IQANK1: variants seen among roughly 807,000 people sequenced by gnomAD.
IQANK1 encodes IQ motif and ankyrin repeat domain-containing protein 1.
Under a neutral mutation model 22.6 loss-of-function variants are expected in IQANK1, and 30 were observed. The observed-to-expected ratio is 1.33, with a 90% CI of 0.99 to 1.80. The LOEUF (loss-of-function observed/expected upper bound fraction) is 1.80, where lower values mean the gene tolerates loss of function less well. Ranked by LOEUF, IQANK1 falls within the 40% of genes most tolerant of loss-of-function variation. The pLI, the probability that IQANK1 is intolerant of heterozygous loss-of-function variation, is 0.00. For synonymous variants in IQANK1, 122 were observed against 99.6 expected (o/e 1.23, Z -1.34); for missense variants, 275 against 235.2 (o/e 1.17, Z -1.11).
intron 7 of IQANK1, among the ~76,000 whole-genome samples, chr8:143,787,611 C>T (rs1819916321): frequency 6.6e-6 from 1 of 152,208 alleles, no homozygotes; most frequent in Non-Finnish European, 1.5e-5. Context: ...TCCCTGTTTG[C>T]ACTTGTCTGT....
chr8:143,780,778 A>G (rs574036616), intron 7 of IQANK1, among the ~76,000 whole-genome samples: 3 of 152,212 alleles, frequency 2.0e-5, no homozygotes, highest in Non-Finnish European at 4.4e-5. Flanking sequence ...ATAGTGCTGC[A>G]GTCAACATAT....
At chr8:143,786,364 TGAG>T (rs780673823) in intron 7 of IQANK1, among the ~76,000 whole-genome samples, 23 of 152,328 alleles carry the variant, frequency 1.5e-4, no homozygotes, top group Non-Finnish European at 2.9e-4. Flanking sequence ...GACCCCAAAG[TGAG>T]GATCAAATTT....
intron 3 of IQANK1, among the ~76,000 whole-genome samples, chr8:143,749,084 G>A (rs1259242709): frequency 8.4e-6 from 1 of 119,680 alleles, no homozygotes; most frequent in African/African-American, 3.4e-5. Flanking sequence ...TGATATAAAT[G>A]TATATAAATA....
At chr8:143,788,740 A>G (rs1307880264) in intron 7 of IQANK1, among the ~76,000 whole-genome samples, 175 bp from the exon 8 acceptor site, 1 of 152,126 alleles carries the variant, frequency 6.6e-6, no homozygotes, top group African/African-American at 2.4e-5. Context: ...GGCTTTGGGG[A>G]CAGCAGCCCC....
chr8:143,761,808 G>GTT (rs11418981), intron 3 of IQANK1, among the ~76,000 whole-genome samples: 5,203 of 146,128 alleles, frequency 0.036, 113 homozygotes, highest in African/African-American at 0.068. Context: ...AAATTTCAGT[G>GTT]TTTTTTTTTT....
intron 7 of IQANK1, among the ~76,000 whole-genome samples, chr8:143,785,332 C>G (rs1432069145): frequency 6.9e-6 from 1 of 144,906 alleles, no homozygotes; most frequent in East Asian, 2.1e-4. Context: ...TCTCAGCTCA[C>G]TGCAACCTCT....
At chr8:143,788,837 G>A in intron 7 of IQANK1, 78 bp from the exon 8 acceptor site, 1 of 398,634 alleles carries the variant, frequency 2.5e-6, no homozygotes, top group Non-Finnish European at 4.4e-6. Flanking sequence ...CTCCCAGATG[G>A]GAGAGCAACA....
At chr8:143,786,467 CAGA>C (rs1189938619) in intron 7 of IQANK1, among the ~76,000 whole-genome samples, 1 of 152,168 alleles carries the variant, frequency 6.6e-6, no homozygotes, top group East Asian at 1.9e-4. Flanking sequence ...GATAAATGTG[CAGA>C]AGAATGTGCA....
chr8:143,760,130 G>A (rs781802670), intron 3 of IQANK1, among the ~76,000 whole-genome samples: 17 of 152,244 alleles, frequency 1.1e-4, no homozygotes, highest in East Asian at 5.8e-4. Context: ...GCAGGATGTC[G>A]CCCTTGTCTG....
intron 2 of IQANK1, among the ~76,000 whole-genome samples, chr8:143,737,866 C>T (rs1318587148): frequency 6.6e-6 from 1 of 152,260 alleles, no homozygotes; most frequent in Non-Finnish European, 1.5e-5. Flanking sequence ...GCAGCTGCTC[C>T]TGGGCCAGGC....
chr8:143,787,961 C>T (rs1247355666), intron 7 of IQANK1, among the ~76,000 whole-genome samples: 4 of 152,208 alleles, frequency 2.6e-5, no homozygotes, highest in African/African-American at 9.7e-5. Context: ...GCCACCTGCT[C>T]TTCTTCTCCC....
intron 2 of IQANK1, among the ~76,000 whole-genome samples, chr8:143,738,896 C>T (rs191646102): frequency 3.9e-5 from 6 of 152,346 alleles, no homozygotes; most frequent in South Asian, 2.1e-4. Flanking sequence ...GCAGCTAGCA[C>T]GCCCACAGGA....
rs868968493 is a variant in IQANK1 at position 143,751,668 on chromosome 8, A to G, written c.175+11720A>G. 3.9e-3 allele frequency among the ~76,000 whole-genome samples: 524 copies of G among 133,834 alleles called. 10 individuals carry two copies. Among genetic ancestry groups the G allele is most frequent in the African/African-American group, 0.014 (500 of 36,860 alleles). 87.8% of individuals were successfully genotyped at this position (133,834 alleles called of 152,430 possible). Reference sequence around the variant, plus strand: ...TGTGTGTGTGTGTGTGTGTGTGTATATATATATATAAAATCCTATACAAAA... The same window carrying G: ...TGTGTGTGTGTGTGTGTGTGTGTATGTATATATATAAAATCCTATACAAAA... On this transcript the variant is annotated intron_variant, in intron 3 of 13. Transcript: ENST00000527139.
In IQANK1 at chr8:143,736,801, A is replaced by G. The variant is rs879983023; in HGVS notation, c.85+863A>G. ...TTCCCCCAGTACCCTCCCCCACCCCAGCCCCGCCTTCACTGTTGTCACTCC... is the reference window on the plus strand; with the variant it reads ...TTCCCCCAGTACCCTCCCCCACCCCGGCCCCGCCTTCACTGTTGTCACTCC... On this transcript the variant is annotated intron_variant, in intron 2 of 13. Transcript: ENST00000527139. 2.5e-5 allele frequency among the ~76,000 whole-genome samples: 3 copies of G among 119,972 alleles called. No individual in the cohort carries two copies. In the South Asian group the frequency reaches 8.6e-4, roughly 34 times the overall value. 78.7% of individuals were successfully genotyped at this position (119,972 alleles called of 152,430 possible).
At chr8:143,775,627 T>C (rs563750743) in intron 7 of IQANK1, among the ~76,000 whole-genome samples, 1 of 152,074 alleles carries the variant, frequency 6.6e-6, no homozygotes, top group South Asian at 2.1e-4. Context: ...CTGGGCGTGG[T>C]GGTGGGCACC....
At chr8:143,756,693 C>T (rs1819298901) in intron 3 of IQANK1, among the ~76,000 whole-genome samples, 1 of 151,788 alleles carries the variant, frequency 6.6e-6, no homozygotes, top group Admixed American at 6.6e-5. Flanking sequence ...AAAAGAATAG[C>T]TTAGGCTCAC....
At chr8:143,742,925 A>AT (rs1818953459) in intron 3 of IQANK1, 1 of 456,074 alleles carries the variant, frequency 2.2e-6, no homozygotes, top group South Asian at 1.5e-5. Flanking sequence ...GCCAGAATCT[A>AT]TCTTTTGCCC....
chr8:143,754,688 T>C (rs1213265185), intron 3 of IQANK1, among the ~76,000 whole-genome samples: 2 of 152,072 alleles, frequency 1.3e-5, no homozygotes, highest in African/African-American at 2.4e-5. Context: ...TGCAGTGGCC[T>C]GATCTCAGCT....
Position 143,790,084 on chromosome 8 carries a change from C to T in IQANK1, c.1289+20C>T, listed in dbSNP as rs782377051. ...TGGCCGGTCAGTTCTCCGGGCCAGA[C>T]GTGGGCGATTTGGGGTTTGGACAGA... On this transcript the variant is annotated intron_variant, in intron 12 of 13. Transcript: ENST00000527139. 4.1e-6 allele frequency: 5 copies of T among 1,232,134 alleles called. No homozygotes were observed. The highest frequency in any genetic ancestry group is 1.5e-5 in the African/African-American group (1 of 64,564). The allele number at this position is 1,232,134 out of a possible 1,614,324, so 76.3% of individuals were successfully genotyped here. A position where few individuals can be genotyped will look rare whatever the true frequency, so the allele number is the denominator to read the frequency against.
Sources: allele counts gnomAD v4.1 joint callset (sites outside exome capture counted in the v4.1 genomes callset), GRCh38; gene constraint gnomAD v4.1.1; transcripts MANE v1.5; gene names NCBI Gene and HGNC (gene_info 2026-07-23, HGNC 2026-07-21).